Variants in RGPD1 observed in about 807,000 individuals in gnomAD.
The protein encoded by RGPD1 is RANBP2 like and GRIP domain containing 1, also known as RANBP2-like and GRIP domain-containing protein 1.
In RGPD1, 7 loss-of-function variants were observed where a neutral mutation model predicts 40.6. The ratio of observed to expected loss-of-function variants is 0.17; its 90% CI spans 0.10 to 0.32. The LOEUF (loss-of-function observed/expected upper bound fraction) is 0.32, where lower values mean the gene tolerates loss of function less well. Ranked by LOEUF, RGPD1 falls within the 10% of genes least tolerant of loss-of-function variation. The pLI, the probability that RGPD1 is intolerant of heterozygous loss-of-function variation, is 1.00. For synonymous variants in RGPD1, 24 were observed against 167.0 expected (o/e 0.14, Z 6.60); for missense variants, 50 against 472.5 (o/e 0.11, Z 8.29).
chr2:86,920,408 T>G (rs1365954817), intron 1 of RGPD1, among the ~76,000 whole-genome samples: 1 of 150,748 alleles, frequency 6.6e-6, no homozygotes, highest in Non-Finnish European at 1.5e-5. Context: ...CAAGTGACAT[T>G]ATCCTCAATT....
rs553264522 is a variant in RGPD1, at chr2:86,924,579, C to A, written c.72+10658C>A. Among the ~76,000 whole-genome samples, 96 of 150,508 alleles carry A rather than the reference C, an allele frequency of 6.4e-4. 2 individuals are homozygous for A. The highest frequency in any genetic ancestry group is 1.1e-3 in the Non-Finnish European group (71 of 67,178). On this transcript the variant is annotated intron_variant, in intron 1 of 22. Transcript: ENST00000398193. ...CTCATAGGCTCAAGCCATCCTCCTA[C>A]CTCAGCCTCCAAGTGGCTAGGACTA...
Position 86,942,149 on chromosome 2 carries a change from G to A in RGPD1, c.-88G>A, listed in dbSNP as rs933396803. 1.9e-5 allele frequency: 28 copies of A among 1,505,138 alleles called. No individual in the cohort carries two copies. The African/African-American group carries it at 2.8e-4, about 15-fold the overall frequency. The allele number at this position is 1,505,138 out of a possible 1,614,324, so 93.2% of individuals were successfully genotyped here. Reference sequence around the variant, plus strand: ...TGGTCCTCCGCCGGCTACGTCAGTGGCTTTCAGGCGCTTTCCTGTTGGAAT... The same window carrying A: ...TGGTCCTCCGCCGGCTACGTCAGTGACTTTCAGGCGCTTTCCTGTTGGAAT... On this transcript the variant is annotated 5_prime_UTR_variant, in exon 1 of 23. Transcript: ENST00000641458.
intron 1 of RGPD1, chr2:86,930,633 A>T: frequency 6.2e-7 from 1 of 1,611,224 alleles, no homozygotes; most frequent in Non-Finnish European, 8.5e-7. Flanking sequence ...GCAGCAGTGA[A>T]CACTCTCACA....
At chr2:86,935,815 T>TA (rs1421818776) in intron 1 of RGPD1, among the ~76,000 whole-genome samples, 1 of 137,928 alleles carries the variant, frequency 7.3e-6, no homozygotes, top group African/African-American at 2.6e-5. Context: ...GCTTATGACA[T>TA]AAAGTATAAT....
rs566025713 is a variant in RGPD1, at chr2:86,920,150, A to G, written c.72+6229A>G. ...AGTGGCGTTATCCTGGCTCATTACA[A>G]CCTCTGCCTCCTAAGTTGAAGCGAT... is the stretch of plus-strand genomic sequence containing the variant. On this transcript the variant is annotated intron_variant, in intron 1 of 22. Coordinates refer to the RGPD1 transcript ENST00000398193. Among the ~76,000 whole-genome samples the G allele has an allele frequency of 2.6e-4, 39 of 151,850 alleles. 1 individual carries two copies. Among genetic ancestry groups the G allele is most frequent in the African/African-American group, 7.7e-4 (32 of 41,454 alleles).
chr2:86,923,148 C>G (rs916325167), intron 1 of RGPD1, among the ~76,000 whole-genome samples: 1 of 145,970 alleles, frequency 6.9e-6, no homozygotes, highest in South Asian at 2.2e-4. Context: ...AAGCAGTTCT[C>G]CTGTCTCAGC....
At chr2:86,970,837 T>C (rs1681180922) in intron 8 of RGPD1, among the ~76,000 whole-genome samples, 1 of 76,222 alleles carries the variant, frequency 1.3e-5, no homozygotes, top group African/African-American at 9.3e-5. Flanking sequence ...CCCGGCCGGT[T>C]TGCCTCTTCT....
At chr2:86,924,832 A>G (rs1678352952) in intron 1 of RGPD1, among the ~76,000 whole-genome samples, 2 of 151,236 alleles carry the variant, frequency 1.3e-5, no homozygotes, top group South Asian at 4.2e-4. Flanking sequence ...CTTTTAATTT[A>G]ATTTCTTTTA....
chr2:86,929,612 A>G (rs1004840044), intron 1 of RGPD1, among the ~76,000 whole-genome samples: 43 of 143,004 alleles, frequency 3.0e-4, no homozygotes, highest in Admixed American at 1.7e-3. Context: ...GGAAACAGAC[A>G]ACAGATTGGT....
At chr2:86,915,681 C>T in intron 1 of RGPD1, among the ~76,000 whole-genome samples, 1 of 11,094 alleles carries the variant, frequency 9.0e-5, no homozygotes, top group African/African-American at 4.5e-4. Flanking sequence ...TTATTTGCTT[C>T]CAACCTGTGC....
chr2:86,914,191 G>GCGGCGGCGGCGGCGGCGGCCT (rs1558778962), intron 1 of RGPD1, among the ~76,000 whole-genome samples: 1 of 55,670 alleles, frequency 1.8e-5, no homozygotes, highest in Non-Finnish European at 3.9e-5. Context: ...GACGGCGGCG[G>GCGGCGGCGGCGGCGGCGGCCT]CGGCCTCGGC....
exon 1 of RGPD1, chr2:86,913,832 A>G (rs199820535): frequency 0.043 from 67,882 of 1,561,712 alleles, 6,817 homozygotes; most frequent in African/African-American, 0.35. Flanking sequence ...GCGTCTCGGG[A>G]GCCAGGTTGG....
chr2:86,960,922 C>T (rs2104809975), intron 6 of RGPD1, among the ~76,000 whole-genome samples: 1 of 22,568 alleles, frequency 4.4e-5, no homozygotes, highest in South Asian at 1.2e-3. Flanking sequence ...ATCTGTCTAC[C>T]TTGGCCTCCC....
intron 1 of RGPD1, among the ~76,000 whole-genome samples, chr2:86,920,103 T>C (rs1381059416): frequency 6.6e-6 from 1 of 151,980 alleles, no homozygotes; most frequent in East Asian, 1.9e-4. Flanking sequence ...GGGGTTTTGC[T>C]CTGTCGTCTA....
intron 1 of RGPD1, among the ~76,000 whole-genome samples, chr2:86,919,816 C>T (rs1278077117): frequency 7.0e-6 from 1 of 143,516 alleles, no homozygotes; most frequent in African/African-American, 2.7e-5. Flanking sequence ...TGTGTCCCTC[C>T]TCCCCCAACT....
Position 87,011,128 on chromosome 2 carries a change from G to C in RGPD1, c.5237-1385G>C. The C allele has an allele frequency of 4.7e-6, 2 of 429,038 alleles. 1 individual carries two copies. The highest frequency in any genetic ancestry group is 8.2e-6 in the Non-Finnish European group (2 of 244,812). 26.6% of individuals were successfully genotyped at this position (429,038 alleles called of 1,614,324 possible). The stretch of plus-strand genomic sequence containing the variant: ...GTAGTCATCTCTCTGTTCTGGATCA[G>C]TAGTATAGCACCAGGGCCCCTGCGC... On this transcript the variant is annotated intron_variant, in intron 22 of 22. Transcript: ENST00000641458.
At chr2:86,919,736 C>A (rs879740290) in intron 1 of RGPD1, among the ~76,000 whole-genome samples, 1,462 of 103,256 alleles carry the variant, frequency 0.014, no homozygotes, top group Middle Eastern at 0.017. Context: ...ACCTTTAGTG[C>A]CATTTACCTG....
chr2:86,942,322 GAAGAGACCGACGGCCTCGAC>G lies in RGPD1; in HGVS notation c.72+15_72+34del. 2 of 1,533,600 alleles carry G rather than the reference GAAGAGACCGACGGCCTCGAC, an allele frequency of 1.3e-6. No homozygotes were observed. The highest frequency in any genetic ancestry group is 1.8e-6 in the Non-Finnish European group (2 of 1,140,390). 95.0% of individuals were successfully genotyped at this position (1,533,600 alleles called of 1,614,324 possible). ...TCGCCTGGAAAGGTGAGTGGATCTC[GAAGAGACCGACGGCCTCGAC>G]CTGGCCGGGCGGCGGCCTCGACCTG... On this transcript the variant is annotated intron_variant, in intron 1 of 22. Coordinates refer to ENST00000641458, the MANE Select transcript of RGPD1 (RefSeq NM_001382344.1).
chr2:87,009,055 C>A (rs1329257682), intron 22 of RGPD1, among the ~76,000 whole-genome samples: 1 of 148,806 alleles, frequency 6.7e-6, no homozygotes, highest in Non-Finnish European at 1.5e-5. Context: ...CCTATAATGC[C>A]AGCAATTTGG....
Sources: allele counts gnomAD v4.1 joint callset (sites outside exome capture counted in the v4.1 genomes callset), GRCh38; gene constraint gnomAD v4.1.1; transcripts MANE v1.5; gene names NCBI Gene and HGNC (gene_info 2026-07-23, HGNC 2026-07-21).